The following STX11 variants were observed in gnomAD, a reference collection of about 807,000 sequenced individuals.
STX11 encodes syntaxin 11, also known as syntaxin-11.
Under a neutral mutation model 19.9 loss-of-function variants are expected in STX11, and 21 were observed. The observed-to-expected ratio is 1.06, with a 90% confidence interval of 0.75 to 1.52. The LOEUF is 1.52. Among genes scored for constraint, STX11 ranks in the 40% most tolerant of loss-of-function variants. The pLI, the probability that STX11 is intolerant of heterozygous loss-of-function variation, is 0.00. For synonymous variants in STX11, 193 were observed against 174.4 expected, an observed-to-expected ratio of 1.11 and a Z score of -0.84; for missense variants, 438 against 405.9, an observed-to-expected ratio of 1.08 and a Z score of -0.68.
intron 1 of STX11, among the ~76,000 whole-genome samples, chr6:144,186,202 G>C (rs915128651): frequency 4.8e-5 from 7 of 146,916 alleles, no homozygotes; most frequent in African/African-American, 7.4e-5. Flanking sequence ...AGCATTAGGA[G>C]ATATACCTAA....
chr6:144,187,618 A>T lies in STX11; in HGVS notation c.*127A>T, dbSNP rs1584064280. ...CTTTCCGGAACTCAGTCTTTAGAAAAGAAACGCCAGGTTCAAGAATTGCAA... is the reference window on the plus strand; with the variant it reads ...CTTTCCGGAACTCAGTCTTTAGAAATGAAACGCCAGGTTCAAGAATTGCAA... On this transcript the variant is annotated 3_prime_UTR_variant, in exon 2 of 2. Coordinates refer to ENST00000367568, the MANE Select transcript of STX11 (RefSeq NM_003764.4). The surrounding 1 kb of genome is among the most constrained non-coding windows in gnomAD (Gnocchi z 5.6). The T allele has an allele frequency of 4.7e-6, 6 of 1,289,572 alleles. No individual in the cohort carries two copies. Among genetic ancestry groups the T allele is most frequent in the Non-Finnish European group, 6.5e-6 (6 of 925,690 alleles). The allele number at this position is 1,289,572 out of a possible 1,614,324, so 79.9% of individuals were successfully genotyped here.
chr6:144,150,520 TGCGGCCGCGGCGGCGCGGAGCTCGG>T lies in STX11; in HGVS notation c.-181_-157del. 2.0e-6 allele frequency: 2 copies of T among 985,282 alleles called. No homozygotes were observed. Among genetic ancestry groups the T allele is most frequent in the Non-Finnish European group, 2.4e-6 (2 of 829,924 alleles). The allele number at this position is 985,282 out of a possible 1,614,324, so 61.0% of individuals were successfully genotyped here. On this transcript the variant is annotated 5_prime_UTR_variant, in exon 1 of 2. Coordinates refer to ENST00000367568, the MANE Select transcript of STX11 (RefSeq NM_003764.4). Reference sequence around the variant, plus strand: ...GGGGGCTGAGCCGGCGGCGCCCAGATGCGGCCGCGGCGGCGCGGAGCTCGGGCGGCCGTGGAGGAACTCAGCCTCG... The same window carrying T: ...GGGGGCTGAGCCGGCGGCGCCCAGATGCGGCCGTGGAGGAACTCAGCCTCG...
chr6:144,179,752 T>C (rs78580558), intron 1 of STX11, among the ~76,000 whole-genome samples: 4,685 of 152,318 alleles, frequency 0.031, 221 homozygotes, highest in African/African-American at 0.1. Flanking sequence ...AAAGATACTA[T>C]ATAAGCCCAA....
In STX11 at chr6:144,154,656, A is replaced by T. The variant is rs967779780; in HGVS notation, c.-6+3953A>T. ...CAAATGGTGGAAGAACCACTAACAA[A>T]TGCAGACAGGTACATAACAACTCCA... On this transcript the variant is annotated intron_variant, in intron 1 of 1. Transcript: ENST00000367568. The surrounding 1 kb of genome is among the most constrained non-coding windows in gnomAD (Gnocchi z 4.7). Among the ~76,000 whole-genome samples, 1 of 152,214 alleles carries T rather than the reference A, an allele frequency of 6.6e-6. No individual in the cohort carries two copies. Among genetic ancestry groups the T allele is most frequent in the African/African-American group, 2.4e-5 (1 of 41,448 alleles).
chr6:144,188,340 AGTAT>A lies in STX11; in HGVS notation c.*851_*854del, dbSNP rs1241751930. The A allele has an allele frequency of 1.3e-5, 3 of 229,254 alleles. No homozygotes were observed. The highest frequency in any genetic ancestry group is 2.8e-5 in the Non-Finnish European group (3 of 106,694). 14.2% of individuals were successfully genotyped at this position (229,254 alleles called of 1,614,324 possible). A position where few individuals can be genotyped will look rare whatever the true frequency, so the allele number is the denominator to read the frequency against. On this transcript the variant is annotated 3_prime_UTR_variant, in exon 2 of 2. Coordinates refer to ENST00000367568, the MANE Select transcript of STX11 (RefSeq NM_003764.4). ...CAATTGGTTTAACTTCTTTTATGTA[AGTAT>A]GGTATATAAATTTCAAGACGAACAC... is the stretch of plus-strand genomic sequence containing the variant.
rs1056738351 is a variant in STX11, at chr6:144,174,806, G to A, written c.-5-11817G>A. ...CATGGAAATAATCTAATTGGTTGATGTATTCATGGTTCTGATACTATCTGG... is the reference window on the plus strand; with the variant it reads ...CATGGAAATAATCTAATTGGTTGATATATTCATGGTTCTGATACTATCTGG... On this transcript the variant is annotated intron_variant, in intron 1 of 1. Coordinates refer to ENST00000367568, the MANE Select transcript of STX11 (RefSeq NM_003764.4). The surrounding 1 kb of genome is among the most constrained non-coding windows in gnomAD (Gnocchi z 5.3). 3.9e-5 allele frequency among the ~76,000 whole-genome samples: 6 copies of A among 152,162 alleles called. No individual in the cohort carries two copies. Among genetic ancestry groups the A allele is most frequent in the Non-Finnish European group, 7.4e-5 (5 of 68,024 alleles).
chr6:144,171,556 TATC>T (rs1801636540), intron 1 of STX11, among the ~76,000 whole-genome samples: 1 of 152,174 alleles, frequency 6.6e-6, no homozygotes, highest in Non-Finnish European at 1.5e-5. Context: ...CAAAACCTCT[TATC>T]AGACTGAAAC....
Position 144,155,949 on chromosome 6 carries a change from T to A in STX11, c.-6+5246T>A, listed in dbSNP as rs1389678815. On this transcript the variant is annotated intron_variant, in intron 1 of 1. Transcript: ENST00000367568. The surrounding 1 kb of genome is among the most constrained non-coding windows in gnomAD (Gnocchi z 4.5). ...TGTGTTTTAAAATTTAATCTTTCTT[T>A]CTTTCTTTCTTTCTTTCTTTCTTTC... is the stretch of plus-strand genomic sequence containing the variant. Among the ~76,000 whole-genome samples the A allele has an allele frequency of 7.2e-5, 1 of 13,966 alleles. No individual in the cohort carries two copies. Among genetic ancestry groups the A allele is most frequent in the Non-Finnish European group, 1.5e-4 (1 of 6,682 alleles). 9.2% of individuals were successfully genotyped at this position (13,966 alleles called of 152,430 possible). A position where few individuals can be genotyped will look rare whatever the true frequency, so the allele number is the denominator to read the frequency against.
At chr6:144,150,473 C>G (rs1445717557), upstream of STX11, 2 of 983,866 alleles carry the variant, frequency 2.0e-6, no homozygotes, top group South Asian at 4.7e-5. Flanking sequence ...TGGTCCCCAG[C>G]TGTGGTCGCT....
chr6:144,140,253 TA>T, the STX11 span, among the ~76,000 whole-genome samples: 7 of 40,312 alleles, frequency 1.7e-4, no homozygotes, highest in African/African-American at 8.1e-4. Context: ...TATATATATA[TA>T]TTTATTTATT....
rs183525881 is a variant in STX11 at position 144,162,227 on chromosome 6, C to T, written c.-6+11524C>T. Among the ~76,000 whole-genome samples the T allele has an allele frequency of 2.5e-3, 386 of 152,358 alleles. No individual in the cohort carries two copies. The highest frequency in any genetic ancestry group is 9.1e-3 in the African/African-American group (377 of 41,590). ...ACCATCACGCCCTTTCCCGTAGATA[C>T]TCGGCCTTTTATTATGAGTTCTGAG... On this transcript the variant is annotated intron_variant, in intron 1 of 1. Transcript: ENST00000367568. This position sits in a 1 kb window ranked among gnomAD's most constrained non-coding sequence, Gnocchi z 4.6.
At position 144,188,867 on chromosome 6, in the gene STX11, TGG is replaced by T. The variant is rs1180290397; in HGVS notation, c.*1378_*1379del. Among the ~76,000 whole-genome samples, 1 of 151,748 alleles carries T rather than the reference TGG, an allele frequency of 6.6e-6. No individual in the cohort carries two copies. The highest frequency in any genetic ancestry group is 1.5e-5 in the Non-Finnish European group (1 of 67,940). ...TCAGCCTCCTGAGAAGTTGGGACTC[TGG>T]GCGCGTGCCACAATGTCTGGCTAAT... On this transcript the variant is annotated 3_prime_UTR_variant, in exon 2 of 2. Coordinates refer to ENST00000367568, the MANE Select transcript of STX11 (RefSeq NM_003764.4).
rs1203739030 is a variant in STX11 at position 144,155,147 on chromosome 6, A to G, written c.-6+4444A>G. Among the ~76,000 whole-genome samples the G allele has an allele frequency of 6.6e-6, 1 of 152,202 alleles. No individual in the cohort carries two copies. The highest frequency in any genetic ancestry group is 1.5e-5 in the Non-Finnish European group (1 of 68,040). On this transcript the variant is annotated intron_variant, in intron 1 of 1. Coordinates refer to ENST00000367568, the MANE Select transcript of STX11 (RefSeq NM_003764.4). The surrounding 1 kb of genome is among the most constrained non-coding windows in gnomAD (Gnocchi z 4.5). The stretch of plus-strand genomic sequence containing the variant: ...ACTGTCTGAAGATTCCCAGAGCTTC[A>G]ACCATTATGTCCACAAAGCTGCCTT...
At chr6:144,149,769 C>T (rs1475289256), upstream of STX11, among the ~76,000 whole-genome samples, 1 of 152,226 alleles carries the variant, frequency 6.6e-6, no homozygotes, top group Non-Finnish European at 1.5e-5. This position sits in a 1 kb window ranked among gnomAD's most constrained non-coding sequence, Gnocchi z 5.1. Context: ...AGCCACCGCG[C>T]CCGGCCCGAT....
intron 1 of STX11, among the ~76,000 whole-genome samples, chr6:144,178,811 C>A (rs1319895704): frequency 6.6e-6 from 1 of 151,958 alleles, no homozygotes; most frequent in African/African-American, 2.4e-5. Context: ...TGCGTTCTTG[C>A]CCAATGCACT....
chr6:144,170,956 T>C lies in STX11; in HGVS notation c.-5-15667T>C, dbSNP rs936499701. On this transcript the variant is annotated intron_variant, in intron 1 of 1. Transcript: ENST00000367568. The surrounding 1 kb of genome is among the most constrained non-coding windows in gnomAD (Gnocchi z 4.7). The stretch of plus-strand genomic sequence containing the variant: ...TCCCCTCTACTATCCTATGAGGTAA[T>C]TATTTATACATGGAGAAGACCAGGT... 2.0e-5 allele frequency among the ~76,000 whole-genome samples: 3 copies of C among 152,176 alleles called. No individual in the cohort carries two copies. Among genetic ancestry groups the C allele is most frequent in the East Asian group, 1.9e-4 (1 of 5,194 alleles).
chr6:144,166,490 G>C (rs1242543068), intron 1 of STX11, among the ~76,000 whole-genome samples: 6 of 146,316 alleles, frequency 4.1e-5, no homozygotes, highest in Non-Finnish European at 9.1e-5. Flanking sequence ...GTTTCCCTCA[G>C]TCTTCCTTTC....
At chr6:144,150,465 G>A (rs936982516), upstream of STX11, 1 of 979,902 alleles carries the variant, frequency 1.0e-6, no homozygotes, top group Non-Finnish European at 1.2e-6. Context: ...GCGGGGCCTG[G>A]TCCCCAGCTG....
At position 144,150,699 on chromosome 6, in the gene STX11, T is replaced by A; in HGVS notation, c.-10T>A. 1 of 980,538 alleles carries A rather than the reference T, an allele frequency of 1.0e-6. No individual in the cohort carries two copies. Among genetic ancestry groups the A allele is most frequent in the South Asian group, 4.8e-5 (1 of 20,912 alleles). The allele number at this position is 980,538 out of a possible 1,614,324, so 60.7% of individuals were successfully genotyped here. A position where few individuals can be genotyped will look rare whatever the true frequency, so the allele number is the denominator to read the frequency against. On this transcript the variant is annotated 5_prime_UTR_variant, in exon 1 of 2. Coordinates refer to ENST00000367568, the MANE Select transcript of STX11 (RefSeq NM_003764.4). ...TCTCGGTTCGCACTCTCGCTCCCAG[T>A]CCAGGTTTGTTTTTCTCTTCCTGAG...
Sources: gnomAD v4.1 joint callset for allele counts (sites outside exome capture counted in the v4.1 genomes callset) on GRCh38, gnomAD v4.1.1 for gene constraint, Gnocchi (gnomAD v3.1) non-coding constraint, MANE v1.5 for transcripts, NCBI Gene and HGNC (gene_info 2026-07-23, HGNC 2026-07-21) for gene names.